Variants in EPHA5 observed in about 807,000 individuals in gnomAD.
EPHA5 encodes ephrin type-A receptor 5.
Under a neutral mutation model 105.0 loss-of-function variants are expected in EPHA5, and 60 were observed. The observed-to-expected ratio is 0.57, with a 90% CI of 0.46 to 0.71. The LOEUF (loss-of-function observed/expected upper bound fraction) is 0.71, where lower values mean the gene tolerates loss of function less well. Among genes scored for constraint, EPHA5 ranks in the 30% least tolerant of loss-of-function variants. The pLI, the probability that EPHA5 is intolerant of heterozygous loss-of-function variation, is 0.00. For synonymous variants in EPHA5, 513 were observed against 449.1 expected (o/e 1.14, Z -1.80); for missense variants, 1,218 against 1,274.7 (o/e 0.96, Z 0.68).
At chr4:65,496,498 C>T (rs942223986) in intron 3 of EPHA5, among the ~76,000 whole-genome samples, 10 of 150,392 alleles carry the variant, frequency 6.6e-5, no homozygotes, top group East Asian at 2.0e-4. Context: ...TTTGTTCTTG[C>T]GATAGTTTAC....
intron 3 of EPHA5, among the ~76,000 whole-genome samples, chr4:65,585,501 A>G (rs1742032474): frequency 6.6e-6 from 1 of 151,948 alleles, no homozygotes; most frequent in Non-Finnish European, 1.5e-5. Flanking sequence ...GAGCTAAAGT[A>G]GTTAGTGCTT....
intron 3 of EPHA5, among the ~76,000 whole-genome samples, chr4:65,513,704 C>T (rs1464088680): frequency 6.6e-6 from 1 of 152,098 alleles, no homozygotes; most frequent in Non-Finnish European, 1.5e-5. Context: ...TTTCTAAGTA[C>T]TTCTAAATCT....
intron 3 of EPHA5, among the ~76,000 whole-genome samples, chr4:65,514,482 C>A (rs1220246383): frequency 6.6e-6 from 1 of 152,052 alleles, no homozygotes; most frequent in Non-Finnish European, 1.5e-5. Flanking sequence ...CAGCTAAGGC[C>A]CCGACCAACA....
intron 11 of EPHA5, among the ~76,000 whole-genome samples, chr4:65,356,282 G>A (rs527929059): frequency 1.4e-4 from 21 of 151,338 alleles, no homozygotes; most frequent in African/African-American, 5.1e-4. Flanking sequence ...TTAGAGTTAT[G>A]GGTTAGTGGT....
chr4:65,495,408 G>A lies in EPHA5; in HGVS notation c.1046C>T (p.Pro349Leu), dbSNP rs1303114412. ...EKDYFRRESD[P>L]PTMACTRPPS... Reference sequence around the variant, plus strand: ...CTTACTTGTGCATGCCATTGTGGGTGGATCAGACTCTCTCCTGAAATAATC... The same window carrying A: ...CTTACTTGTGCATGCCATTGTGGGTAGATCAGACTCTCTCCTGAAATAATC... Residue 349 changes from proline to leucine, a missense_variant, in exon 4 of 17, where the codon CCA (proline) becomes CTA (leucine). Pro to Leu is a moderately conservative substitution (Grantham distance 98, BLOSUM62 -3). Transcript: ENST00000613740. 2 of 1,613,320 alleles carry A rather than the reference G, an allele frequency of 1.2e-6. No homozygotes were observed. Among genetic ancestry groups the A allele is most frequent in the Non-Finnish European group, 1.7e-6 (2 of 1,179,578 alleles).
At chr4:65,460,500 T>C (rs1728021223) in intron 5 of EPHA5, among the ~76,000 whole-genome samples, 1 of 151,368 alleles carries the variant, frequency 6.6e-6, no homozygotes, top group Admixed American at 6.6e-5. Context: ...TGGAATATAC[T>C]AAATACTCAG....
intron 3 of EPHA5, among the ~76,000 whole-genome samples, chr4:65,519,878 G>C (rs1425778531): frequency 6.6e-6 from 1 of 151,944 alleles, no homozygotes; most frequent in Non-Finnish European, 1.5e-5. Context: ...AAATAAAAGA[G>C]GACACAAACA....
chr4:65,353,022 A>C lies in EPHA5; in HGVS notation c.2235+20T>G, dbSNP rs1722967278. The C allele has an allele frequency of 6.8e-7, 1 of 1,468,034 alleles. No homozygotes were observed. The highest frequency in any genetic ancestry group is 9.3e-7 in the Non-Finnish European group (1 of 1,078,404). 90.9% of individuals were successfully genotyped at this position (1,468,034 alleles called of 1,614,324 possible). On this transcript the variant is annotated intron_variant, in intron 12 of 16. Coordinates refer to ENST00000613740, the MANE Select transcript of EPHA5 (RefSeq NM_001281766.3). ...TATATAAATAACACCTTGAATAACT[A>C]AATTATTCCCCAATCCTACCTTCAA...
intron 3 of EPHA5, among the ~76,000 whole-genome samples, chr4:65,539,326 A>G (rs190961775): frequency 6.6e-6 from 1 of 151,022 alleles, no homozygotes; most frequent in East Asian, 2.0e-4. Context: ...AACCAAGACA[A>G]AGGAGGAGGA....
At position 65,323,954 on chromosome 4, in the gene EPHA5, T is replaced by C; in HGVS notation, c.*160A>G. ...GACTAAGGACTAAGAACTGGATACT[T>C]CAGTAAAACCATGATTACAAATTCT... On this transcript the variant is annotated 3_prime_UTR_variant, in exon 17 of 17. Transcript: ENST00000613740. The C allele has an allele frequency of 1.8e-6, 1 of 544,510 alleles. No homozygotes were observed. 33.7% of individuals were successfully genotyped at this position (544,510 alleles called of 1,614,324 possible).
chr4:65,573,765 G>C, intron 3 of EPHA5: 3 of 1,612,088 alleles, frequency 1.9e-6, no homozygotes, highest in Non-Finnish European at 2.5e-6. Flanking sequence ...CAAGAACGGC[G>C]GTACCCGGGT....
chr4:65,399,544 A>G (rs1333734595), intron 8 of EPHA5, among the ~76,000 whole-genome samples: 1 of 152,218 alleles, frequency 6.6e-6, no homozygotes, highest in African/African-American at 2.4e-5. Context: ...AATCATACAT[A>G]AGGCCAAGCA....
At chr4:65,532,865 T>C (rs1215824157) in intron 3 of EPHA5, among the ~76,000 whole-genome samples, 1 of 152,158 alleles carries the variant, frequency 6.6e-6, no homozygotes, top group African/African-American at 2.4e-5. Context: ...TTTATGGCCA[T>C]CATTGCCAGC....
chr4:65,397,051 G>A (rs1721312613), intron 8 of EPHA5, among the ~76,000 whole-genome samples: 1 of 152,204 alleles, frequency 6.6e-6, no homozygotes, highest in African/African-American at 2.4e-5. Flanking sequence ...GGCACTTTAG[G>A]AAGGACTGTC....
chr4:65,541,363 G>A (rs1406434636), intron 3 of EPHA5, among the ~76,000 whole-genome samples: 3 of 151,768 alleles, frequency 2.0e-5, no homozygotes, highest in Non-Finnish European at 4.4e-5. Flanking sequence ...CCCAACTCAT[G>A]TGCAAAGTCA....
chr4:65,482,109 C>T (rs958892725), intron 5 of EPHA5, among the ~76,000 whole-genome samples: 3 of 151,922 alleles, frequency 2.0e-5, no homozygotes, highest in Non-Finnish European at 4.4e-5. Context: ...ACCAGCATGG[C>T]CAACACGGGG....
At chr4:65,421,831 T>TGATG (rs1004315001) in intron 5 of EPHA5, among the ~76,000 whole-genome samples, 1 of 152,070 alleles carries the variant, frequency 6.6e-6, no homozygotes, top group African/African-American at 2.4e-5. Context: ...TTGAATGAAT[T>TGATG]GATGGATGGA....
intron 6 of EPHA5, among the ~76,000 whole-genome samples, chr4:65,419,992 T>A: frequency 6.6e-6 from 1 of 152,162 alleles, no homozygotes. Context: ...CAGTGCCAGA[T>A]GTTTGCTAAG....
intron 3 of EPHA5, among the ~76,000 whole-genome samples, chr4:65,590,404 A>G (rs1031051815): frequency 2.6e-5 from 4 of 152,184 alleles, no homozygotes; most frequent in Admixed American, 6.5e-5. Context: ...AATAAAGGAT[A>G]TAAAAGCATT....
Sources: gnomAD v4.1 joint callset for allele counts (sites outside exome capture counted in the v4.1 genomes callset) on GRCh38, gnomAD v4.1.1 for gene constraint, MANE v1.5 for transcripts, NCBI Gene and HGNC (gene_info 2026-07-23, HGNC 2026-07-21) for gene names.